The following WWP2 variants were observed in gnomAD, a reference collection of about 807,000 sequenced individuals.
The protein encoded by WWP2 is WW domain containing E3 ubiquitin protein ligase 2.
Under a neutral mutation model 121.0 loss-of-function variants are expected in WWP2, and 57 were observed. The observed-to-expected ratio is 0.47, with a 90% CI of 0.38 to 0.59. WWP2 has a LOEUF of 0.59. Among genes scored for constraint, WWP2 ranks in the 20% least tolerant of loss-of-function variants. WWP2 has a pLI of 0.00. For missense variants in WWP2, 962 were observed against 1,158.9 expected, an observed-to-expected ratio of 0.83 and a Z score of 2.47; for synonymous variants, 449 against 441.3, an observed-to-expected ratio of 1.02 and a Z score of -0.22.
chr16:69,853,391 A>G lies in WWP2; in HGVS notation c.575+11271A>G, dbSNP rs185618233. On this transcript the variant is annotated intron_variant, in intron 6 of 23. Transcript: ENST00000359154. The stretch of plus-strand genomic sequence containing the variant: ...TGTATTTGAAGTGGGTGTGCAGGCG[A>G]TGAGGCATGGTGTCTGCTGGAGCCC... Among the ~76,000 whole-genome samples the G allele has an allele frequency of 2.2e-3, 334 of 152,260 alleles. 2 individuals carry two copies. The highest frequency in any genetic ancestry group is 5.6e-3 in the South Asian group (27 of 4,824).
intron 4 of WWP2, among the ~76,000 whole-genome samples, chr16:69,817,862 T>C (rs111456866): frequency 7.3e-5 from 11 of 151,598 alleles, no homozygotes; most frequent in African/African-American, 2.4e-4. Flanking sequence ...TCCCAAAGTG[T>C]TGGGATTACA....
intron 8 of WWP2, among the ~76,000 whole-genome samples, chr16:69,908,169 T>C (rs2058324203): frequency 6.6e-6 from 1 of 152,086 alleles, no homozygotes; most frequent in African/African-American, 2.4e-5. Flanking sequence ...TGCTTGAGCC[T>C]GGGAGGTGGA....
chr16:69,768,039 T>C (rs1011734000), intron 1 of WWP2, among the ~76,000 whole-genome samples: 2 of 152,118 alleles, frequency 1.3e-5, no homozygotes, highest in African/African-American at 2.4e-5. Flanking sequence ...GGTCCCACTA[T>C]GTTACTCAGA....
intron 4 of WWP2, chr16:69,838,863 G>A (rs557983797): frequency 3.1e-5 from 31 of 985,388 alleles, no homozygotes; most frequent in South Asian, 4.7e-5. Context: ...AAGGTAGAGC[G>A]CTTAGGAGAG....
intron 18 of WWP2, 119 bp from the exon 19 acceptor site, chr16:69,936,193 T>C: frequency 6.7e-7 from 1 of 1,502,188 alleles, no homozygotes; most frequent in Non-Finnish European, 9.1e-7. Context: ...CTGTCCCCTG[T>C]CACTGTTCAG....
chr16:69,825,775 G>A (rs2056676472), intron 4 of WWP2, among the ~76,000 whole-genome samples: 1 of 151,662 alleles, frequency 6.6e-6, no homozygotes, highest in South Asian at 2.1e-4. Context: ...ACAGGTGCAT[G>A]CCACTACACC....
intron 4 of WWP2, among the ~76,000 whole-genome samples, chr16:69,823,596 T>A (rs1237324070): frequency 1.3e-5 from 2 of 151,990 alleles, no homozygotes; most frequent in Non-Finnish European, 2.9e-5. Context: ...GCCTCCCAAG[T>A]AGCTGGGATT....
chr16:69,910,432 G>A (rs4985376), intron 9 of WWP2: 554,470 of 893,684 alleles, frequency 0.62, 174,175 homozygotes, highest in East Asian at 0.91. Flanking sequence ...TTTTTTAGAC[G>A]GAGTCTCGCT....
chr16:69,898,967 G>A (rs1412924236), intron 8 of WWP2, among the ~76,000 whole-genome samples: 1 of 152,050 alleles, frequency 6.6e-6, no homozygotes, highest in African/African-American at 2.4e-5. Context: ...GCCTCCCAAA[G>A]TGCTGGGATT....
At chr16:69,810,340 A>G (rs1205212565) in intron 4 of WWP2, among the ~76,000 whole-genome samples, 2 of 152,200 alleles carry the variant, frequency 1.3e-5, no homozygotes, top group Non-Finnish European at 2.9e-5. Context: ...GACTTGCCCA[A>G]AAGTGCTGGT....
chr16:69,862,454 T>C (rs2057439464), intron 6 of WWP2, among the ~76,000 whole-genome samples: 1 of 151,752 alleles, frequency 6.6e-6, no homozygotes, highest in African/African-American at 2.4e-5. Flanking sequence ...GCAGCCTCCA[T>C]TCCCCAGGCT....
At chr16:69,866,578 G>A (rs929824925) in intron 6 of WWP2, among the ~76,000 whole-genome samples, 5 of 151,928 alleles carry the variant, frequency 3.3e-5, no homozygotes, top group East Asian at 1.9e-4. Context: ...TTTTTGCCAC[G>A]GGCTTCTTTC....
intron 8 of WWP2, among the ~76,000 whole-genome samples, chr16:69,908,526 G>T (rs1467862745): frequency 6.6e-6 from 1 of 152,246 alleles, no homozygotes; most frequent in Admixed American, 6.5e-5. Context: ...GTGATCTATA[G>T]TGGATCCTGG....
At chr16:69,763,123 G>GCTTA (rs1374344457) in intron 1 of WWP2, among the ~76,000 whole-genome samples, 2 of 152,202 alleles carry the variant, frequency 1.3e-5, no homozygotes, top group Non-Finnish European at 2.9e-5. Context: ...ATGGCTTTTA[G>GCTTA]CTTACACTGT....
chr16:69,782,465 G>A (rs1208415430), intron 1 of WWP2, among the ~76,000 whole-genome samples: 1 of 152,170 alleles, frequency 6.6e-6, no homozygotes, highest in Admixed American at 6.5e-5. Context: ...AGGGAAAAAA[G>A]CAGTTAAAGA....
intron 4 of WWP2, among the ~76,000 whole-genome samples, chr16:69,817,630 C>T (rs142960097): frequency 7.0e-6 from 1 of 142,318 alleles, no homozygotes; most frequent in East Asian, 2.1e-4. Flanking sequence ...TTGTTTTTTA[C>T]AATTACTAGC....
chr16:69,848,132 A>T (rs1418598507), intron 6 of WWP2, among the ~76,000 whole-genome samples: 2 of 152,218 alleles, frequency 1.3e-5, no homozygotes, highest in Admixed American at 1.3e-4. Flanking sequence ...AGGGATTAAC[A>T]TAAGGGATCT....
intron 8 of WWP2, among the ~76,000 whole-genome samples, chr16:69,904,831 G>A (rs2058262348): frequency 6.6e-6 from 1 of 152,172 alleles, no homozygotes; most frequent in African/African-American, 2.4e-5. Flanking sequence ...AGAATGCCCG[G>A]GAGAGAAAAC....
chr16:69,939,487 T>C, intron 23 of WWP2, 74 bp downstream of exon 23: 1 of 1,514,690 alleles, frequency 6.6e-7, no homozygotes. Flanking sequence ...CCAGTGGGTG[T>C]AGCAGCTTCA....
Sources: allele counts gnomAD v4.1 joint callset (sites outside exome capture counted in the v4.1 genomes callset), GRCh38; gene constraint gnomAD v4.1.1; transcripts MANE v1.5; gene names NCBI Gene and HGNC (gene_info 2026-07-23, HGNC 2026-07-21).